The following PRMT3 variants were observed in gnomAD, a reference collection of about 807,000 sequenced individuals.
The protein encoded by PRMT3 is protein arginine methyltransferase 3.
A neutral mutation model predicts 71.9 loss-of-function variants in PRMT3; 62 were observed. The ratio of observed to expected loss-of-function variants is 0.86; its 90% confidence interval spans 0.70 to 1.07. The LOEUF (loss-of-function observed/expected upper bound fraction) is 1.07. Among genes scored for constraint, PRMT3 ranks in the 50% least tolerant of loss-of-function variants. The probability of loss-of-function intolerance (pLI) is 0.00; values close to 1 mark genes in which losing one functional copy is unlikely to be tolerated. For missense variants in PRMT3, 663 were observed against 643.0 expected, an observed-to-expected ratio of 1.03 and a Z score of -0.34; for synonymous variants, 213 against 220.4, an observed-to-expected ratio of 0.97 and a Z score of 0.30.
chr11:20,499,672 A>G (rs572055606), intron 15 of PRMT3, among the ~76,000 whole-genome samples: 25 of 152,302 alleles, frequency 1.6e-4, no homozygotes, highest in Admixed American at 2.0e-4. Context: ...GGAAAAGGAC[A>G]CAAACAGGTG....
At chr11:20,491,688 T>C (rs7107937) in intron 13 of PRMT3, among the ~76,000 whole-genome samples, 4,554 of 152,270 alleles carry the variant, frequency 0.03, 230 homozygotes, top group African/African-American at 0.1. Context: ...CGGTTTTTTT[T>C]CCATGCATGT....
intron 15 of PRMT3, among the ~76,000 whole-genome samples, chr11:20,507,910 C>G (rs1337106935): frequency 6.6e-6 from 1 of 152,032 alleles, no homozygotes; most frequent in Non-Finnish European, 1.5e-5. Context: ...AGTTCGAGAC[C>G]AGCCTGGCCA....
At chr11:20,450,576 C>T (rs1850125367) in intron 10 of PRMT3, among the ~76,000 whole-genome samples, 1 of 152,116 alleles carries the variant, frequency 6.6e-6, no homozygotes, top group South Asian at 2.1e-4. Context: ...CCTAATGTAA[C>T]ATATTGATAA....
chr11:20,402,234 C>T (rs554143827), intron 7 of PRMT3, among the ~76,000 whole-genome samples: 1 of 152,234 alleles, frequency 6.6e-6, no homozygotes, highest in African/African-American at 2.4e-5. Flanking sequence ...ATTCTCCTGC[C>T]TCAGCCTCCC....
rs1477965791 is a variant in PRMT3, at chr11:20,494,254, G to C, written c.1486G>C (p.Gly496Arg). The part of the protein sequence containing the change: ...LLEKPFSVKA[G>R]EALKGKVTVH... ...GGAAAAACCATTTTCAGTTAAAGCA[G>C]GTGAGAAAGAATAGTAGGGGGGAAG... Residue 496 changes from glycine to arginine, a missense_variant and splice_region_variant, in exon 15 of 16, where the codon GGT becomes CGT. Coordinates refer to ENST00000331079, the MANE Select transcript of PRMT3 (RefSeq NM_005788.4). 2 of 1,573,834 alleles carry C rather than the reference G, an allele frequency of 1.3e-6. No individual in the cohort carries two copies. Among genetic ancestry groups the C allele is most frequent in the Non-Finnish European group, 1.7e-6 (2 of 1,144,862 alleles).
chr11:20,508,946 T>C lies in PRMT3; in HGVS notation c.*533T>C. 5.6e-6 allele frequency: 1 copy of C among 177,328 alleles called. No homozygotes were observed. The highest frequency in any genetic ancestry group is 1.2e-4 in the South Asian group (1 of 8,180). The allele number at this position is 177,328 out of a possible 1,614,324, so 11.0% of individuals were successfully genotyped here. On this transcript the variant is annotated 3_prime_UTR_variant, in exon 16 of 16. Transcript: ENST00000331079. ...AAGAGCTTCAGCCTTCATATACAAA[T>C]CATATATGCAGACAGCCTAGTTGAT...
intron 15 of PRMT3, among the ~76,000 whole-genome samples, chr11:20,499,318 A>G (rs868712721): frequency 1.3e-5 from 2 of 152,312 alleles, no homozygotes; most frequent in African/African-American, 4.8e-5. Context: ...TGAAAAAAGT[A>G]CCCAATTCAA....
intron 9 of PRMT3, among the ~76,000 whole-genome samples, chr11:20,423,420 A>G (rs1406224337): frequency 6.6e-6 from 1 of 152,144 alleles, no homozygotes; most frequent in Non-Finnish European, 1.5e-5. Flanking sequence ...CTGTTTTTGT[A>G]AGTAAAGCTG....
At chr11:20,461,939 G>T (rs777186698) in intron 11 of PRMT3, 41 bp from the exon 12 acceptor site, 1 of 1,434,546 alleles carries the variant, frequency 7.0e-7, no homozygotes, top group South Asian at 1.7e-5. Flanking sequence ...CCATAAGAAA[G>T]GGAGATAATG....
At chr11:20,500,223 T>TTTTG (rs1181093029) in intron 15 of PRMT3, among the ~76,000 whole-genome samples, 10 of 152,218 alleles carry the variant, frequency 6.6e-5, no homozygotes, top group African/African-American at 2.4e-4. Flanking sequence ...AACTTGTATA[T>TTTTG]TTAAAACTAT....
At chr11:20,396,065 C>T in intron 6 of PRMT3, 103 bp downstream of exon 6, 1 of 1,033,852 alleles carries the variant, frequency 9.7e-7, no homozygotes, top group Non-Finnish European at 1.4e-6. Flanking sequence ...CTGGAAAGTA[C>T]AATGTAGATA....
intron 7 of PRMT3, among the ~76,000 whole-genome samples, chr11:20,400,333 T>G (rs946786848): frequency 3.9e-5 from 6 of 152,198 alleles, no homozygotes; most frequent in African/African-American, 1.4e-4. Context: ...TAAAAGTAGC[T>G]TGTGATCTTA....
intron 9 of PRMT3, among the ~76,000 whole-genome samples, chr11:20,425,869 G>A (rs1331536571): frequency 1.3e-5 from 2 of 152,122 alleles, no homozygotes; most frequent in Non-Finnish European, 1.5e-5. Context: ...TAAAATGAAT[G>A]CACTGAATTG....
intron 6 of PRMT3, 34 bp from the exon 7 acceptor site, chr11:20,397,543 C>T: frequency 6.2e-7 from 1 of 1,609,942 alleles, no homozygotes; most frequent in Non-Finnish European, 8.5e-7. Context: ...GTCCAATAAA[C>T]CTGTCTCAAG....
At position 20,392,910 on chromosome 11, in the gene PRMT3, A is replaced by T; in HGVS notation, c.311A>T (p.Glu104Val). The T allele has an allele frequency of 6.3e-7, 1 of 1,586,094 alleles. No homozygotes were observed. Among genetic ancestry groups the T allele is most frequent in the Non-Finnish European group, 8.7e-7 (1 of 1,155,034 alleles). The change falls in exon 5 of 16, where the codon GAG becomes GTG. Residue 104 changes from glutamate to valine, a missense_variant. Physicochemically the swap from Glu to Val is moderately radical, Grantham distance 121 (BLOSUM62 -2). Transcript: ENST00000331079. ...NFIRLKNPTVEYMNSIYNPVP... is the reference protein window; with the variant it reads ...NFIRLKNPTVVYMNSIYNPVP... Reference sequence around the variant, plus strand: ...TTTTATATCCAGAATCCTACAGTTGAGTACATGAATTCCATATACAACCCA... The same window carrying T: ...TTTTATATCCAGAATCCTACAGTTGTGTACATGAATTCCATATACAACCCA...
intron 10 of PRMT3, among the ~76,000 whole-genome samples, chr11:20,427,815 T>C (rs1485539141): frequency 6.6e-6 from 1 of 151,912 alleles, no homozygotes; most frequent in Admixed American, 6.6e-5. Context: ...ATAAAGATTT[T>C]TAAATTATTT....
chr11:20,424,524 T>C (rs1849499732), intron 9 of PRMT3, among the ~76,000 whole-genome samples: 1 of 152,090 alleles, frequency 6.6e-6, no homozygotes, highest in Non-Finnish European at 1.5e-5. Context: ...GTTATTGATA[T>C]GGGGGAAAAA....
intron 10 of PRMT3, among the ~76,000 whole-genome samples, chr11:20,441,706 C>G (rs965443941): frequency 6.6e-6 from 1 of 151,410 alleles, no homozygotes; most frequent in African/African-American, 2.4e-5. Context: ...TTTATACTTG[C>G]GTCTCTTTAC....
At chr11:20,446,628 A>G (rs1405316744) in intron 10 of PRMT3, among the ~76,000 whole-genome samples, 2 of 152,170 alleles carry the variant, frequency 1.3e-5, no homozygotes, top group African/African-American at 4.8e-5. Context: ...ACAAATTGTC[A>G]TAGTCTTTCT....
Sources: allele counts gnomAD v4.1 joint callset (sites outside exome capture counted in the v4.1 genomes callset), GRCh38; gene constraint gnomAD v4.1.1; transcripts MANE v1.5; gene names NCBI Gene and HGNC (gene_info 2026-07-23, HGNC 2026-07-21).